CDKAL1: variants seen among roughly 807,000 people sequenced by gnomAD.
CDKAL1 encodes threonylcarbamoyladenosine tRNA methylthiotransferase.
Under a neutral mutation model 68.2 loss-of-function variants are expected in CDKAL1, and 32 were observed. The observed-to-expected ratio is 0.47, with a 90% CI of 0.35 to 0.63. The LOEUF (loss-of-function observed/expected upper bound fraction) is 0.63. CDKAL1 is among the 30% of genes least tolerant of loss of function. The pLI is 0.00. For synonymous variants in CDKAL1, 234 were observed against 244.3 expected, an observed-to-expected ratio of 0.96 and a Z score of 0.39; for missense variants, 606 against 696.7, an observed-to-expected ratio of 0.87 and a Z score of 1.47.
intron 13 of CDKAL1, among the ~76,000 whole-genome samples, chr6:21,190,480 G>C (rs13192164): frequency 6.6e-6 from 1 of 151,906 alleles, no homozygotes; most frequent in African/African-American, 2.4e-5. Flanking sequence ...CGATTCTCCT[G>C]CCTCAGCCTC....
rs113684550 is a variant in CDKAL1, at chr6:20,724,353, A to T, written c.372-15166A>T. On this transcript the variant is annotated intron_variant, in intron 5 of 15. Transcript: ENST00000274695. The stretch of plus-strand genomic sequence containing the variant: ...GGACTTTGATAAAAGATGTAAAAAG[A>T]CTTTGTAAAATTTTGTTTGATAACC... Among the ~76,000 whole-genome samples the T allele has an allele frequency of 4.6e-3, 702 of 152,316 alleles. 4 individuals are homozygous for T. Among genetic ancestry groups the T allele is most frequent in the Admixed American group, 8.5e-3 (130 of 15,310 alleles).
chr6:21,066,513 A>G (rs1401082659), intron 12 of CDKAL1, among the ~76,000 whole-genome samples: 1 of 152,210 alleles, frequency 6.6e-6, no homozygotes, highest in Non-Finnish European at 1.5e-5. Context: ...CAGTTCTATG[A>G]CTTCTAGCAA....
intron 8 of CDKAL1, among the ~76,000 whole-genome samples, chr6:20,824,870 A>G (rs1042101743): frequency 4.6e-5 from 7 of 152,174 alleles, no homozygotes; most frequent in African/African-American, 1.7e-4. Flanking sequence ...TAGAAGTGCT[A>G]TGATTTTCTT....
At chr6:21,114,002 A>G (rs559659327) in intron 13 of CDKAL1, among the ~76,000 whole-genome samples, 53 of 151,886 alleles carry the variant, frequency 3.5e-4, no homozygotes, top group Non-Finnish European at 5.4e-4. Context: ...TAATCCCAGC[A>G]CTTTGAGAGG....
intron 5 of CDKAL1, among the ~76,000 whole-genome samples, chr6:20,700,053 G>A (rs1309530207): frequency 3.3e-5 from 5 of 151,484 alleles, no homozygotes; most frequent in Middle Eastern, 3.4e-3. Context: ...TTTTGGATTA[G>A]GCATTTTTTT....
At chr6:20,595,245 G>T (rs1210618331) in intron 4 of CDKAL1, among the ~76,000 whole-genome samples, 1 of 152,094 alleles carries the variant, frequency 6.6e-6, no homozygotes, top group Admixed American at 6.6e-5. Context: ...AGTTCTCCTG[G>T]ATAGTATCCT....
At chr6:20,624,870 G>A (rs9366358) in intron 4 of CDKAL1, among the ~76,000 whole-genome samples, 73,666 of 151,270 alleles carry the variant, frequency 0.49, 18,025 homozygotes, top group East Asian at 0.64. Flanking sequence ...AGGGTAGGCT[G>A]TAGAATAGAA....
chr6:20,945,564 A>G (rs1157323611), intron 9 of CDKAL1, among the ~76,000 whole-genome samples: 3 of 152,134 alleles, frequency 2.0e-5, no homozygotes, highest in Non-Finnish European at 2.9e-5. Context: ...CATTTGTCCT[A>G]TCTTCTGAAG....
At position 20,539,042 on chromosome 6, in the gene CDKAL1, G is replaced by A. The variant is rs1257667513; in HGVS notation, c.-6+3648G>A. On this transcript the variant is annotated intron_variant, in intron 2 of 15. Coordinates refer to ENST00000274695, the MANE Select transcript of CDKAL1 (RefSeq NM_017774.3). The surrounding 1 kb of genome is among the most constrained non-coding windows in gnomAD (Gnocchi z 4.3). The stretch of plus-strand genomic sequence containing the variant: ...TGAAGAAACATGAAACAAAAGCAGG[G>A]TTAGAAGCAGTGAAAGTGTGGGCAT... 1.3e-5 allele frequency among the ~76,000 whole-genome samples: 2 copies of A among 152,204 alleles called. No individual in the cohort carries two copies. The highest frequency in any genetic ancestry group is 3.8e-4 in the East Asian group (2 of 5,208).
intron 10 of CDKAL1, among the ~76,000 whole-genome samples, chr6:20,973,712 C>T (rs989794548): frequency 3.3e-5 from 5 of 152,064 alleles, no homozygotes; most frequent in African/African-American, 7.2e-5. Flanking sequence ...TCAAGTGATC[C>T]TCCCACCTCA....
At chr6:21,076,134 G>A (rs1469906942) in intron 12 of CDKAL1, among the ~76,000 whole-genome samples, 1 of 152,160 alleles carries the variant, frequency 6.6e-6, no homozygotes, top group Admixed American at 6.5e-5. Context: ...AAGAGGGCTG[G>A]AGGGACATTC....
At chr6:20,579,976 C>T (rs866642701) in intron 4 of CDKAL1, among the ~76,000 whole-genome samples, 2 of 152,270 alleles carry the variant, frequency 1.3e-5, no homozygotes, top group Middle Eastern at 3.4e-3. Context: ...GTACCTTAAG[C>T]CTCAGCAAAG....
intron 8 of CDKAL1, among the ~76,000 whole-genome samples, chr6:20,831,894 T>G (rs1399589708): frequency 1.3e-5 from 2 of 152,152 alleles, no homozygotes; most frequent in Non-Finnish European, 2.9e-5. Flanking sequence ...CATCTTCTCA[T>G]GTAGTTGTAA....
chr6:21,065,958 G>A (rs74832603), intron 12 of CDKAL1, among the ~76,000 whole-genome samples: 2,158 of 151,254 alleles, frequency 0.014, 64 homozygotes, highest in African/African-American at 0.049. Flanking sequence ...CTATTAGGTT[G>A]GTGCAAAAGT....
Position 20,623,232 on chromosome 6 carries a change from G to C in CDKAL1, c.287-26061G>C, listed in dbSNP as rs375856031. 3.3e-5 allele frequency among the ~76,000 whole-genome samples: 5 copies of C among 152,138 alleles called. No individual in the cohort carries two copies. The East Asian group carries it at 5.8e-4, about 18-fold the overall frequency. ...ACAACAGATAAAGAGCTTAACTAAAGTTGTGATGAAAATACATATACTTAT... is the reference window on the plus strand; with the variant it reads ...ACAACAGATAAAGAGCTTAACTAAACTTGTGATGAAAATACATATACTTAT... On this transcript the variant is annotated intron_variant, in intron 4 of 15. Transcript: ENST00000274695.
intron 10 of CDKAL1, among the ~76,000 whole-genome samples, chr6:20,972,757 G>T (rs1305168030): frequency 6.6e-6 from 1 of 152,196 alleles, no homozygotes; most frequent in East Asian, 1.9e-4. Context: ...CGTGAAAGGA[G>T]AACTGAGCAT....
Position 21,231,259 on chromosome 6 carries a change from C to T in CDKAL1, c.*220C>T, listed in dbSNP as rs559936587. Reference sequence around the variant, plus strand: ...CCTAATCACCGCTACCATAGCACATCCTTCAAATTAAACTGCTTTTGGTTT... The same window carrying T: ...CCTAATCACCGCTACCATAGCACATTCTTCAAATTAAACTGCTTTTGGTTT... On this transcript the variant is annotated 3_prime_UTR_variant, in exon 16 of 16. Coordinates refer to ENST00000274695, the MANE Select transcript of CDKAL1 (RefSeq NM_017774.3). The T allele has an allele frequency of 5.2e-6, 2 of 383,716 alleles. No individual in the cohort carries two copies. The highest frequency in any genetic ancestry group is 8.7e-5 in the Admixed American group (2 of 22,950). 23.8% of individuals were successfully genotyped at this position (383,716 alleles called of 1,614,324 possible).
At chr6:20,824,936 A>AG (rs769287575) in intron 8 of CDKAL1, among the ~76,000 whole-genome samples, 46,897 of 152,108 alleles carry the variant, frequency 0.31, 7,533 homozygotes, top group East Asian at 0.53. Flanking sequence ...ATAATTAGCT[A>AG]ATATATCTTG....
rs1187208362 is a variant in CDKAL1 at position 20,584,176 on chromosome 6, T to G, written c.286+35471T>G. Among the ~76,000 whole-genome samples the G allele has an allele frequency of 5.9e-5, 9 of 152,144 alleles. No homozygotes were observed. In the South Asian group the frequency reaches 1.9e-3, roughly 32 times the overall value. On this transcript the variant is annotated intron_variant, in intron 4 of 15. Transcript: ENST00000274695. ...TGTTTAGTTCCTAATCTCATTCTTA[T>G]TTTAATACCTGTTCAGATTCTTAAG...
Sources: gnomAD v4.1 joint callset for allele counts (sites outside exome capture counted in the v4.1 genomes callset) on GRCh38, gnomAD v4.1.1 for gene constraint, Gnocchi (gnomAD v3.1) non-coding constraint, MANE v1.5 for transcripts, NCBI Gene and HGNC (gene_info 2026-07-23, HGNC 2026-07-21) for gene names.